Variants in ITFG2 observed in about 807,000 individuals in gnomAD.
The protein encoded by ITFG2 is KICSTOR complex protein ITFG2.
A neutral mutation model predicts 54.4 loss-of-function variants in ITFG2; 36 were observed. The ratio of observed to expected loss-of-function variants is 0.66; its 90% CI spans 0.51 to 0.87. ITFG2 has a LOEUF of 0.87. Among genes scored for constraint, ITFG2 ranks in the 40% least tolerant of loss-of-function variants. The probability of loss-of-function intolerance (pLI) is 0.00; values close to 1 mark genes in which losing one functional copy is unlikely to be tolerated. For synonymous variants in ITFG2, 211 were observed against 225.4 expected, an observed-to-expected ratio of 0.94 and a Z score of 0.57; for missense variants, 524 against 576.7, an observed-to-expected ratio of 0.91 and a Z score of 0.94.
At chr12:2,815,016 C>T (rs1329551636) in intron 1 of ITFG2, among the ~76,000 whole-genome samples, 1 of 151,350 alleles carries the variant, frequency 6.6e-6, no homozygotes, top group South Asian at 2.1e-4. Flanking sequence ...TCTTATTGTC[C>T]AGGCTGGAGT....
intron 2 of ITFG2, chr12:2,849,521 G>C (rs1383011555): frequency 6.5e-7 from 1 of 1,536,018 alleles, no homozygotes; most frequent in Non-Finnish European, 8.7e-7. Context: ...GATATGTGCC[G>C]GTACCTGTTG....
intron 2 of ITFG2, chr12:2,856,960 G>A (rs1269700241): frequency 1.4e-6 from 1 of 702,950 alleles, no homozygotes; most frequent in Non-Finnish European, 2.6e-6. Context: ...CCTACCTGCA[G>A]GAAAGGTTCT....
At chr12:2,815,767 T>G (rs2097919895) in intron 1 of ITFG2, among the ~76,000 whole-genome samples, 2 of 152,342 alleles carry the variant, frequency 1.3e-5, no homozygotes, top group Admixed American at 1.3e-4. Context: ...AGATTGTGTG[T>G]AGCCTCAATT....
chr12:2,819,980 C>T (rs2097937526), intron 4 of ITFG2, 106 bp from the exon 5 acceptor site: 6 of 1,414,632 alleles, frequency 4.2e-6, no homozygotes, highest in East Asian at 2.4e-5. Context: ...TGAGTAGCAC[C>T]GCAGATCGGG....
chr12:2,830,790 C>G lies in ITFG2; in HGVS notation c.*60-44C>G, dbSNP rs944752207. 13 of 1,613,700 alleles carry G rather than the reference C, an allele frequency of 8.1e-6. No homozygotes were observed. The African/African-American group carries it at 1.7e-4, about 22-fold the overall frequency. Reference sequence around the variant, plus strand: ...CTGGCCATGAATCAGGTCCTGCATCCGGGGAGGCTCCCCCTGAAGCCAATT... The same window carrying G: ...CTGGCCATGAATCAGGTCCTGCATCGGGGGAGGCTCCCCCTGAAGCCAATT... On this transcript the variant is annotated intron_variant and NMD_transcript_variant, in intron 2 of 2. Coordinates refer to the ITFG2 transcript ENST00000538822.
chr12:2,827,767 C>A, downstream of ITFG2: 1 of 1,609,384 alleles, frequency 6.2e-7, no homozygotes. This position sits in a 1 kb window ranked among gnomAD's most constrained non-coding sequence, Gnocchi z 4.0. Context: ...CTCTGCCCAC[C>A]CCATCCCCAG....
chr12:2,848,871 A>ACACG (rs1555092584), intron 2 of ITFG2, among the ~76,000 whole-genome samples: 4 of 111,210 alleles, frequency 3.6e-5, no homozygotes, highest in African/African-American at 1.6e-4. Context: ...CAACAGACAC[A>ACACG]CACACGCACA....
intron 1 of ITFG2, among the ~76,000 whole-genome samples, chr12:2,816,980 T>C (rs1374761550): frequency 6.6e-6 from 1 of 151,984 alleles, no homozygotes. Context: ...TTTGTAGAAA[T>C]GGGATCTTGC....
intron 2 of ITFG2, among the ~76,000 whole-genome samples, chr12:2,848,877 G>GCACACA (rs3056877): frequency 0.068 from 9,603 of 140,248 alleles, 365 homozygotes; most frequent in African/African-American, 0.083. Flanking sequence ...ACACACACAC[G>GCACACA]CACACACACA....
chr12:2,828,192 T>C (rs1443796030), downstream of ITFG2: 8 of 1,138,330 alleles, frequency 7.0e-6, no homozygotes, highest in African/African-American at 1.6e-5. Flanking sequence ...TCTGCCAGAG[T>C]CTTCTAGCCA....
chr12:2,858,955 G>A lies in ITFG2; in HGVS notation n.621-579G>A, dbSNP rs374220211. The A allele has an allele frequency of 1.8e-4, 291 of 1,613,480 alleles. 1 individual carries two copies. Among genetic ancestry groups the A allele is most frequent in the Non-Finnish European group, 2.3e-4 (267 of 1,179,930 alleles). On this transcript the variant is annotated intron_variant and non_coding_transcript_variant, in intron 3 of 3. Coordinates refer to the ITFG2 transcript ENST00000537710. ...GCACTTTGCAAGGGAGTGGTGCTGAGATCCATCAGCCCCAGGGGGTCAGGC... is the reference window on the plus strand; with the variant it reads ...GCACTTTGCAAGGGAGTGGTGCTGAAATCCATCAGCCCCAGGGGGTCAGGC...
At chr12:2,832,061 T>G (rs2098005933), upstream of ITFG2, among the ~76,000 whole-genome samples, 1 of 152,132 alleles carries the variant, frequency 6.6e-6, no homozygotes, top group Admixed American at 6.5e-5. Context: ...TACTCCAAAA[T>G]GTGGTCCTCA....
At chr12:2,859,343 T>C (rs1038802870) in intron 3 of ITFG2, 2 of 1,613,488 alleles carry the variant, frequency 1.2e-6, no homozygotes, top group African/African-American at 2.7e-5. Context: ...TCACAAGCAT[T>C]TCCGAGACAC....
At chr12:2,851,394 C>G (rs904308035) in intron 2 of ITFG2, among the ~76,000 whole-genome samples, 2 of 152,084 alleles carry the variant, frequency 1.3e-5, no homozygotes, top group Non-Finnish European at 2.9e-5. Context: ...GATGCTCGAG[C>G]ACAGTGGCCA....
At chr12:2,825,138 G>A (rs1349079843), downstream of ITFG2, 1 of 152,224 alleles carries the variant, frequency 6.6e-6, no homozygotes, top group Non-Finnish European at 1.5e-5. Context: ...TGTACTGAGT[G>A]CCATGTAAAA....
intron 3 of ITFG2, chr12:2,858,771 T>C (rs145011914): frequency 5.0e-6 from 8 of 1,614,232 alleles, no homozygotes; most frequent in Non-Finnish European, 5.9e-6. Context: ...GACCAGGCCT[T>C]CTGTCAGAGA....
chr12:2,847,539 C>T (rs1276652649), intron 2 of ITFG2, among the ~76,000 whole-genome samples: 5 of 151,968 alleles, frequency 3.3e-5, no homozygotes, highest in Non-Finnish European at 2.9e-5. Context: ...TCGTGGCGCA[C>T]GCCTGTAGTC....
At chr12:2,833,145 A>G (rs2098011834), upstream of ITFG2, among the ~76,000 whole-genome samples, 2 of 151,964 alleles carry the variant, frequency 1.3e-5, no homozygotes, top group Admixed American at 6.6e-5. Context: ...TATCCTAGGC[A>G]GAGGGGAGAG....
At chr12:2,856,827 G>A in intron 2 of ITFG2, 1 of 652,202 alleles carries the variant, frequency 1.5e-6, no homozygotes, top group South Asian at 1.7e-5. Context: ...GATGAAAAGG[G>A]GAAGACAGCA....
Sources: gnomAD v4.1 joint callset for allele counts (sites outside exome capture counted in the v4.1 genomes callset) on GRCh38, gnomAD v4.1.1 for gene constraint, Gnocchi (gnomAD v3.1) non-coding constraint, MANE v1.5 for transcripts, NCBI Gene and HGNC (gene_info 2026-07-23, HGNC 2026-07-21) for gene names.